Variants in RPRD2 observed in about 807,000 individuals in gnomAD.
RPRD2 encodes the protein regulation of nuclear pre-mRNA domain-containing protein 2.
RPRD2 carries 12 observed loss-of-function variants against 104.4 expected under a neutral mutation model. The ratio of observed to expected loss-of-function variants is 0.11; its 90% confidence interval spans 0.07 to 0.19. The LOEUF is 0.19. Ranked by LOEUF, RPRD2 falls within the 10% of genes least tolerant of loss-of-function variation. RPRD2 has a pLI of 1.00. For missense variants in RPRD2, 1,543 were observed against 1,790.1 expected, an observed-to-expected ratio of 0.86 and a Z score of 2.49; for synonymous variants, 714 against 684.9, an observed-to-expected ratio of 1.04 and a Z score of -0.66.
chr1:150,403,776 G>C (rs1663255513), intron 1 of RPRD2, among the ~76,000 whole-genome samples: 1 of 152,038 alleles, frequency 6.6e-6, no homozygotes, highest in Admixed American at 6.6e-5. Context: ...AGCCTTCCGA[G>C]TAGCTGGCAC....
At chr1:150,407,585 ATAG>A (rs1272581353) in intron 1 of RPRD2, among the ~76,000 whole-genome samples, 1 of 152,112 alleles carries the variant, frequency 6.6e-6, no homozygotes, top group Non-Finnish European at 1.5e-5. Flanking sequence ...TCATCCTCAC[ATAG>A]TGGTGGAGGA....
chr1:150,444,070 A>C (rs1666593149), intron 5 of RPRD2, among the ~76,000 whole-genome samples, 181 bp from the exon 6 acceptor site: 1 of 152,200 alleles, frequency 6.6e-6, no homozygotes, highest in African/African-American at 2.4e-5. Context: ...TTGACATGAT[A>C]ATTGATCATT....
chr1:150,423,421 C>A (rs1664899999), intron 2 of RPRD2, among the ~76,000 whole-genome samples: 1 of 152,078 alleles, frequency 6.6e-6, no homozygotes, highest in Non-Finnish European at 1.5e-5. Context: ...CTGTCCCTAT[C>A]CCAGGTTTTC....
In RPRD2 at chr1:150,453,490, C is replaced by T. The variant is rs187507051; in HGVS notation, c.871-3798C>T. On this transcript the variant is annotated intron_variant, in intron 7 of 10. Coordinates refer to ENST00000369068, the MANE Select transcript of RPRD2 (RefSeq NM_015203.5). ...TTTCTCATTTTTGGGTCCATTCTCT[C>T]TAAGCCACTGAGTTTTTTCCCTCAG... Among the ~76,000 whole-genome samples the T allele has an allele frequency of 4.7e-3, 720 of 152,304 alleles. 12 individuals carry two copies. The highest frequency in any genetic ancestry group is 1.9e-3 in the Non-Finnish European group (132 of 68,034).
At chr1:150,391,152 A>G (rs1662034691) in intron 1 of RPRD2, among the ~76,000 whole-genome samples, 1 of 152,184 alleles carries the variant, frequency 6.6e-6, no homozygotes, top group Non-Finnish European at 1.5e-5. Flanking sequence ...AAGCAAGAGG[A>G]CATTGGAATA....
At chr1:150,383,118 T>G (rs1553881120) in intron 1 of RPRD2, among the ~76,000 whole-genome samples, 1 of 152,008 alleles carries the variant, frequency 6.6e-6, no homozygotes. Flanking sequence ...CTCAGCCTCC[T>G]GAGGTGCTAG....
At chr1:150,465,284 AT>A (rs1337393772) in intron 10 of RPRD2, among the ~76,000 whole-genome samples, 1 of 151,852 alleles carries the variant, frequency 6.6e-6, no homozygotes. Context: ...CATCCAGCTA[AT>A]TTTTGTATTT....
chr1:150,453,190 G>A (rs900814114), intron 7 of RPRD2, among the ~76,000 whole-genome samples: 12 of 151,688 alleles, frequency 7.9e-5, no homozygotes, highest in East Asian at 3.9e-4. Context: ...ACACCACCAC[G>A]CCCAGCTAAT....
intron 1 of RPRD2, among the ~76,000 whole-genome samples, chr1:150,384,752 C>G (rs1013002703): frequency 6.6e-6 from 1 of 151,828 alleles, no homozygotes; most frequent in African/African-American, 2.4e-5. Context: ...GGTGACCCAC[C>G]TGCCTCGGCC....
At chr1:150,369,321 T>C (rs1182764778) in intron 1 of RPRD2, among the ~76,000 whole-genome samples, 1 of 151,880 alleles carries the variant, frequency 6.6e-6, no homozygotes, top group Non-Finnish European at 1.5e-5. Flanking sequence ...TCTGGCTCTG[T>C]TGCCCAGGCT....
intron 1 of RPRD2, among the ~76,000 whole-genome samples, chr1:150,390,871 T>C (rs1471732527): frequency 6.6e-6 from 1 of 152,014 alleles, no homozygotes; most frequent in African/African-American, 2.4e-5. Flanking sequence ...ATGGAATAAT[T>C]GATGAAATAT....
At chr1:150,460,373 T>C in intron 9 of RPRD2, 56 bp downstream of exon 9, 1 of 1,492,686 alleles carries the variant, frequency 6.7e-7, no homozygotes, top group Non-Finnish European at 9.1e-7. Flanking sequence ...TTAAATTGAA[T>C]CATTAATCTG....
intron 9 of RPRD2, 49 bp downstream of exon 9, chr1:150,460,366 A>G (rs1553898584): frequency 1.3e-6 from 2 of 1,515,490 alleles, no homozygotes; most frequent in Non-Finnish European, 1.8e-6. Context: ...CATCTTTTTA[A>G]ATTGAATCAT....
Position 150,437,046 on chromosome 1 carries a change from TAAAA to T in RPRD2, c.336-3873_336-3870del, listed in dbSNP as rs587609279. ...CATTGCGAGACGTAGTCTCTATTATTAAAAAAAGAAAGAAAGACATTTTGTAAGG... is the reference window on the plus strand; with the variant it reads ...CATTGCGAGACGTAGTCTCTATTATTAAAGAAAGAAAGACATTTTGTAAGG... On this transcript the variant is annotated intron_variant, in intron 2 of 10. Transcript: ENST00000369068. 3.5e-3 allele frequency among the ~76,000 whole-genome samples: 532 copies of T among 152,150 alleles called. 3 individuals carry two copies. Among genetic ancestry groups the T allele is most frequent in the Non-Finnish European group, 6.3e-3 (429 of 68,016 alleles).
At chr1:150,405,867 T>C (rs1033528355) in intron 1 of RPRD2, among the ~76,000 whole-genome samples, 6 of 152,198 alleles carry the variant, frequency 3.9e-5, no homozygotes, top group East Asian at 3.8e-4. Context: ...GCCCCTGTTA[T>C]ATTGACCGCC....
At position 150,473,143 on chromosome 1, in the gene RPRD2, T is replaced by A; in HGVS notation, c.4195T>A (p.Leu1399Met). ...GGSNSSSGPP[L>M]GPSHRDTISR... ...CAGCAACAGCAGCAGTGGCCCCCCC[T>A]TGGGTCCCTCACACAGAGACACCAT... Residue 1399 changes from leucine to methionine, a missense_variant, in exon 11 of 11, where the codon TTG becomes ATG. Around this residue, in one of 4 missense-constraint regions of RPRD2, gnomAD observed 880 missense variants for 885.6 expected, o/e 0.99. Coordinates refer to ENST00000369068, the MANE Select transcript of RPRD2 (RefSeq NM_015203.5). 6.2e-7 allele frequency: 1 copy of A among 1,613,922 alleles called. No individual in the cohort carries two copies. The highest frequency in any genetic ancestry group is 1.1e-5 in the South Asian group (1 of 91,082).
chr1:150,384,018 C>T (rs1661350584), intron 1 of RPRD2, among the ~76,000 whole-genome samples: 1 of 152,136 alleles, frequency 6.6e-6, no homozygotes, highest in South Asian at 2.1e-4. Context: ...TTAGGAACTA[C>T]CAAATTAAAG....
At chr1:150,462,571 T>G (rs928886018) in intron 9 of RPRD2, among the ~76,000 whole-genome samples, 3 of 152,190 alleles carry the variant, frequency 2.0e-5, no homozygotes, top group African/African-American at 7.2e-5. Context: ...ATTTATTTAT[T>G]TTGAGACAGT....
At chr1:150,407,221 G>A (rs1553886736) in intron 1 of RPRD2, among the ~76,000 whole-genome samples, 2 of 152,154 alleles carry the variant, frequency 1.3e-5, no homozygotes, top group Non-Finnish European at 2.9e-5. Flanking sequence ...CATCAGAGGA[G>A]TTTAAGGTAC....
Sources: gnomAD v4.1 joint callset for allele counts (sites outside exome capture counted in the v4.1 genomes callset) on GRCh38, gnomAD v4.1.1 for gene constraint, gnomAD v4.1.1 regional missense constraint, MANE v1.5 for transcripts, NCBI Gene and HGNC (gene_info 2026-07-23, HGNC 2026-07-21) for gene names.